FSTL5: variants seen among roughly 807,000 people sequenced by gnomAD.
FSTL5 encodes follistatin like 5.
In FSTL5, 62 loss-of-function variants were observed where a neutral mutation model predicts 89.1. The observed-to-expected ratio is 0.70, with a 90% confidence interval of 0.57 to 0.86. The LOEUF (loss-of-function observed/expected upper bound fraction) is 0.86, where lower values mean the gene tolerates loss of function less well. Ranked by LOEUF, FSTL5 falls within the 40% of genes least tolerant of loss-of-function variation. The pLI is 0.00. For synonymous variants in FSTL5, 383 were observed against 346.2 expected (o/e 1.11, Z -1.18); for missense variants, 1,057 against 1,001.6 (o/e 1.06, Z -0.75).
chr4:161,681,262 T>C (rs1238602711), intron 6 of FSTL5, among the ~76,000 whole-genome samples: 1 of 152,096 alleles, frequency 6.6e-6, no homozygotes, highest in Non-Finnish European at 1.5e-5. Context: ...TTGCTTTGTT[T>C]TCTCTGCTAT....
At chr4:161,870,486 C>A (rs1025925123) in intron 4 of FSTL5, among the ~76,000 whole-genome samples, 8 of 151,994 alleles carry the variant, frequency 5.3e-5, no homozygotes, top group African/African-American at 1.9e-4. Flanking sequence ...TAATCTTGAC[C>A]CTGTCTATTT....
chr4:162,002,482 T>C (rs1287252771), intron 3 of FSTL5, among the ~76,000 whole-genome samples: 1 of 152,218 alleles, frequency 6.6e-6, no homozygotes, highest in Admixed American at 6.5e-5. Context: ...TCATTAGTTT[T>C]AGTTTAATTG....
At position 161,873,905 on chromosome 4, in the gene FSTL5, T is replaced by C. The variant is rs181617384; in HGVS notation, c.409+46499A>G. 3.9e-5 allele frequency among the ~76,000 whole-genome samples: 6 copies of C among 152,218 alleles called. No homozygotes were observed. In the East Asian group the frequency reaches 1.2e-3, roughly 29 times the overall value. ...TTTTCACTTCAGTACAGTGTTTTAG[T>C]TGTGTGACTGTATTGTAGTTTGTCT... is the stretch of plus-strand genomic sequence containing the variant. On this transcript the variant is annotated intron_variant, in intron 4 of 15. Transcript: ENST00000306100.
chr4:161,771,719 G>A (rs1196074535), intron 5 of FSTL5, among the ~76,000 whole-genome samples: 1 of 152,094 alleles, frequency 6.6e-6, no homozygotes, highest in Non-Finnish European at 1.5e-5. Context: ...GATACTAAGT[G>A]TTTTAAAATC....
chr4:161,646,820 A>G (rs1303620162), intron 7 of FSTL5, among the ~76,000 whole-genome samples: 1 of 152,170 alleles, frequency 6.6e-6, no homozygotes, highest in African/African-American at 2.4e-5. Context: ...TCATCTTTTA[A>G]TCAGGTTACT....
chr4:161,687,129 A>G (rs1488428309), intron 6 of FSTL5, among the ~76,000 whole-genome samples: 2 of 152,192 alleles, frequency 1.3e-5, no homozygotes, highest in East Asian at 1.9e-4. Flanking sequence ...CAAACTAAAT[A>G]TACAATGATG....
In FSTL5 at chr4:161,437,573, A is replaced by AAAAAAAAAAAAAAAAAAAACAAACAAAC. The variant is rs1553986241; in HGVS notation, c.1841+17430_1841+17431insGTTTGTTTGTTTTTTTTTTTTTTTTTTT. Among the ~76,000 whole-genome samples, 12 of 149,092 alleles carry AAAAAAAAAAAAAAAAAAAACAAACAAAC rather than the reference A, an allele frequency of 8.0e-5. No homozygotes were observed. The East Asian group carries it at 1.9e-3, about 24-fold the overall frequency. ...AGAGTGAGACTCCGTCTCAAAAAAA[A>AAAAAAAAAAAAAAAAAAAACAAACAAAC]AAAAAAAAACGAGGTCAGAAAAGGT... On this transcript the variant is annotated intron_variant, in intron 15 of 15. Transcript: ENST00000306100.
chr4:161,587,591 T>G lies in FSTL5; in HGVS notation c.895-16A>C. ...CTCCAAAGTCCTATTAAAAATAAAA[T>G]AAAACAAGGTGTTTGCATTTTGAAT... On this transcript the variant is annotated splice_polypyrimidine_tract_variant and intron_variant, in intron 7 of 15. Coordinates refer to ENST00000306100, the MANE Select transcript of FSTL5 (RefSeq NM_020116.5). 1.9e-6 allele frequency: 3 copies of G among 1,577,552 alleles called. No individual in the cohort carries two copies. Among genetic ancestry groups the G allele is most frequent in the Non-Finnish European group, 2.6e-6 (3 of 1,160,258 alleles).
chr4:161,592,492 C>T (rs1321123193), intron 7 of FSTL5, among the ~76,000 whole-genome samples: 1 of 148,164 alleles, frequency 6.7e-6, no homozygotes, highest in African/African-American at 2.5e-5. Context: ...TTCTATTGTT[C>T]AACTCCTACT....
chr4:161,745,192 A>G (rs1433954354), intron 6 of FSTL5, among the ~76,000 whole-genome samples: 2 of 152,074 alleles, frequency 1.3e-5, no homozygotes, highest in African/African-American at 2.4e-5. Context: ...AAGCCCTTAA[A>G]TATTCTAATA....
At chr4:161,960,923 G>T (rs996325501) in intron 3 of FSTL5, among the ~76,000 whole-genome samples, 1 of 151,936 alleles carries the variant, frequency 6.6e-6, no homozygotes. Context: ...GAAATGCAAT[G>T]AGTTCCTTTG....
rs1180765610 is a variant in FSTL5 at position 161,568,364 on chromosome 4, A to G, written c.1015+19091T>C. Among the ~76,000 whole-genome samples, 9 of 152,176 alleles carry G rather than the reference A, an allele frequency of 5.9e-5. No homozygotes were observed. In the South Asian group the frequency reaches 1.2e-3, roughly 21 times the overall value. ...TGCAGTTGACACAGTAACACCAGGAAGAATCAAAGCTTTTGAAATAGCTTC... is the reference window on the plus strand; with the variant it reads ...TGCAGTTGACACAGTAACACCAGGAGGAATCAAAGCTTTTGAAATAGCTTC... On this transcript the variant is annotated intron_variant, in intron 8 of 15. Coordinates refer to ENST00000306100, the MANE Select transcript of FSTL5 (RefSeq NM_020116.5).
rs181352768 is a variant in FSTL5 at position 161,999,331 on chromosome 4, A to G, written c.160+34294T>C. ...TACTTAAAATACTGATAGAAAATAA[A>G]CAACAATATCCTGAAATTAAAGTTA... On this transcript the variant is annotated intron_variant, in intron 3 of 15. Coordinates refer to ENST00000306100, the MANE Select transcript of FSTL5 (RefSeq NM_020116.5). Among the ~76,000 whole-genome samples the G allele has an allele frequency of 2.0e-3, 301 of 152,334 alleles. 1 individual carries two copies. The highest frequency in any genetic ancestry group is 7.0e-3 in the African/African-American group (291 of 41,570).
At chr4:161,510,833 C>A (rs1730627366) in intron 10 of FSTL5, among the ~76,000 whole-genome samples, 1 of 151,738 alleles carries the variant, frequency 6.6e-6, no homozygotes, top group Non-Finnish European at 1.5e-5. Context: ...GCAATAATCA[C>A]AATATATATT....
intron 2 of FSTL5, among the ~76,000 whole-genome samples, chr4:162,087,732 C>T (rs913565355): frequency 2.0e-5 from 3 of 152,130 alleles, no homozygotes; most frequent in Admixed American, 6.6e-5. Context: ...GACCTTCCCA[C>T]CACAGTGCTG....
intron 2 of FSTL5, among the ~76,000 whole-genome samples, chr4:162,067,352 C>T (rs747919281): frequency 3.9e-5 from 6 of 151,926 alleles, no homozygotes; most frequent in Non-Finnish European, 8.8e-5. Context: ...CACATTTGGC[C>T]TATTCTTTGT....
At chr4:161,405,440 G>C (rs944777933) in intron 15 of FSTL5, among the ~76,000 whole-genome samples, 1 of 152,034 alleles carries the variant, frequency 6.6e-6, no homozygotes, top group African/African-American at 2.4e-5. Flanking sequence ...TTACTGAAAG[G>C]TTTCAGTAGC....
chr4:161,568,973 G>A (rs1216628389), intron 8 of FSTL5, among the ~76,000 whole-genome samples: 1 of 152,228 alleles, frequency 6.6e-6, no homozygotes, highest in East Asian at 1.9e-4. Context: ...TTGTTCAAAG[G>A]TAGCAAGTAC....
At chr4:161,799,066 G>A (rs1020949800) in intron 4 of FSTL5, among the ~76,000 whole-genome samples, 2 of 151,714 alleles carry the variant, frequency 1.3e-5, no homozygotes, top group Non-Finnish European at 3.0e-5. Context: ...GAAAAGCAAG[G>A]TGCCTAGATT....
Sources: gnomAD v4.1 joint callset for allele counts (sites outside exome capture counted in the v4.1 genomes callset) on GRCh38, gnomAD v4.1.1 for gene constraint, MANE v1.5 for transcripts, NCBI Gene and HGNC (gene_info 2026-07-23, HGNC 2026-07-21) for gene names.